Variants in NSMCE2 observed in about 807,000 individuals in gnomAD.
NSMCE2 encodes the protein E3 SUMO-protein ligase NSE2.
A neutral mutation model predicts 23.8 loss-of-function variants in NSMCE2; 24 were observed. That is an observed-to-expected ratio of 1.01 (90% CI 0.73 to 1.42). NSMCE2 has a LOEUF of 1.42. Among genes scored for constraint, NSMCE2 ranks in the 40% most tolerant of loss-of-function variants. NSMCE2 has a pLI of 0.00. For missense variants in NSMCE2, 284 were observed against 296.5 expected, an observed-to-expected ratio of 0.96 and a Z score of 0.31; for synonymous variants, 92 against 94.1, an observed-to-expected ratio of 0.98 and a Z score of 0.13.
intron 5 of NSMCE2, among the ~76,000 whole-genome samples, chr8:125,334,772 CTTTTTTTTTT>C (rs34213706): frequency 3.1e-3 from 172 of 55,884 alleles, no homozygotes; most frequent in African/African-American, 0.012. Flanking sequence ...AGTATCTTTT[CTTTTTTTTTT>C]TTTTTTTTTT....
intron 3 of NSMCE2, among the ~76,000 whole-genome samples, chr8:125,105,509 T>C (rs1818419114): frequency 6.6e-6 from 1 of 152,186 alleles, no homozygotes; most frequent in South Asian, 2.1e-4. Flanking sequence ...AAGAGGTATA[T>C]TTTGTTGTAA....
chr8:125,264,443 G>C (rs1826830424), intron 5 of NSMCE2, among the ~76,000 whole-genome samples: 1 of 152,116 alleles, frequency 6.6e-6, no homozygotes, highest in Non-Finnish European at 1.5e-5. Flanking sequence ...GTCTCTCTCT[G>C]TTGCCCAGGC....
chr8:125,120,841 A>G (rs927353817), intron 3 of NSMCE2, among the ~76,000 whole-genome samples: 13 of 152,228 alleles, frequency 8.5e-5, no homozygotes, highest in African/African-American at 3.1e-4. Flanking sequence ...CAAGAGGCGC[A>G]TTCCTTGCAT....
intron 5 of NSMCE2, among the ~76,000 whole-genome samples, chr8:125,240,611 C>A (rs1825732971): frequency 6.6e-6 from 1 of 152,156 alleles, no homozygotes; most frequent in African/African-American, 2.4e-5. Flanking sequence ...TCCTGCAGCC[C>A]TTTAACTCTT....
chr8:125,240,753 C>T (rs753025647), intron 5 of NSMCE2, among the ~76,000 whole-genome samples: 6 of 151,880 alleles, frequency 4.0e-5, no homozygotes, highest in Non-Finnish European at 7.4e-5. Flanking sequence ...TAGCATATTC[C>T]TGTCTAATCA....
intron 3 of NSMCE2, among the ~76,000 whole-genome samples, chr8:125,128,036 G>A (rs1051281461): frequency 6.6e-6 from 1 of 152,158 alleles, no homozygotes; most frequent in African/African-American, 2.4e-5. Flanking sequence ...AATTGGGGAT[G>A]CTCACCTTTA....
chr8:125,249,445 G>T (rs1481504626), intron 5 of NSMCE2, among the ~76,000 whole-genome samples: 4 of 152,150 alleles, frequency 2.6e-5, no homozygotes, highest in African/African-American at 9.7e-5. Context: ...TGTTCATGGG[G>T]AGTGTTCGGG....
intron 7 of NSMCE2, among the ~76,000 whole-genome samples, chr8:125,363,565 AGGGAGGGGGAG>A: frequency 2.0e-5 from 2 of 101,826 alleles, no homozygotes; most frequent in African/African-American, 7.5e-5. Context: ...AGAGAGAGGG[AGGGAGGGGGAG>A]GAGGGAGGGA....
chr8:125,185,736 CAT>C (rs1201398785), intron 5 of NSMCE2, among the ~76,000 whole-genome samples: 4 of 152,146 alleles, frequency 2.6e-5, no homozygotes, highest in Non-Finnish European at 5.9e-5. Context: ...AAGCCTATTA[CAT>C]GTTAATATAA....
intron 3 of NSMCE2, among the ~76,000 whole-genome samples, chr8:125,116,885 C>CTTTTT (rs35636109): frequency 1.5e-5 from 2 of 129,536 alleles, no homozygotes; most frequent in African/African-American, 2.9e-5. Flanking sequence ...AAGCATATAA[C>CTTTTT]TTTTTTTTTT....
chr8:125,350,379 A>T (rs917341106), intron 5 of NSMCE2, among the ~76,000 whole-genome samples: 20 of 152,222 alleles, frequency 1.3e-4, no homozygotes, highest in Non-Finnish European at 2.5e-4. Flanking sequence ...CAGACAGGTT[A>T]GTGTTAAGGC....
chr8:125,104,538 C>T (rs1317558638), intron 3 of NSMCE2, among the ~76,000 whole-genome samples: 1 of 152,148 alleles, frequency 6.6e-6, no homozygotes, highest in African/African-American at 2.4e-5. Context: ...GGTCCTAGGT[C>T]CTACGTGACT....
chr8:125,366,232 T>A (rs1315222252), intron 7 of NSMCE2, among the ~76,000 whole-genome samples: 1 of 152,186 alleles, frequency 6.6e-6, no homozygotes, highest in Non-Finnish European at 1.5e-5. Context: ...TGGTTGCCTG[T>A]CTTCCTCATT....
chr8:125,202,380 A>G (rs1033622259), intron 5 of NSMCE2, among the ~76,000 whole-genome samples: 3 of 152,332 alleles, frequency 2.0e-5, no homozygotes, highest in African/African-American at 7.2e-5. Flanking sequence ...TTTTAAACTC[A>G]TTTATTTAGT....
intron 4 of NSMCE2, among the ~76,000 whole-genome samples, chr8:125,170,568 C>T (rs1393628152): frequency 2.0e-5 from 3 of 151,378 alleles, no homozygotes; most frequent in Non-Finnish European, 4.4e-5. Flanking sequence ...CCACCATGCC[C>T]GACTAACTTT....
intron 5 of NSMCE2, among the ~76,000 whole-genome samples, chr8:125,282,024 G>C (rs1202777277): frequency 6.6e-6 from 1 of 152,170 alleles, no homozygotes; most frequent in Non-Finnish European, 1.5e-5. Context: ...ATTGAAATTG[G>C]TGAGCTAGAG....
intron 4 of NSMCE2, among the ~76,000 whole-genome samples, chr8:125,166,120 A>G (rs1586549623): frequency 6.6e-6 from 1 of 152,200 alleles, no homozygotes; most frequent in Non-Finnish European, 1.5e-5. Context: ...AAGACAAGGG[A>G]TTTGAAATCA....
At position 125,133,963 on chromosome 8, in the gene NSMCE2, C is replaced by G. The variant is rs538112485; in HGVS notation, c.158-17208C>G. On this transcript the variant is annotated intron_variant, in intron 3 of 7. Transcript: ENST00000287437. ...GATTGCTGGGCTCCAACCCCCAAGG[C>G]TTCAGATTCAGGCCTCTGGGGCAGG... is the stretch of plus-strand genomic sequence containing the variant. Among the ~76,000 whole-genome samples, 12 of 152,260 alleles carry G rather than the reference C, an allele frequency of 7.9e-5. No homozygotes were observed. The South Asian group carries it at 2.5e-3, about 32-fold the overall frequency.
At chr8:125,196,271 T>C (rs888717367) in intron 5 of NSMCE2, among the ~76,000 whole-genome samples, 1 of 151,580 alleles carries the variant, frequency 6.6e-6, no homozygotes, top group African/African-American at 2.4e-5. Flanking sequence ...GTTACATAGG[T>C]ATACATGTGC....
Sources: gnomAD v4.1 joint callset for allele counts (sites outside exome capture counted in the v4.1 genomes callset) on GRCh38, gnomAD v4.1.1 for gene constraint, MANE v1.5 for transcripts, NCBI Gene and HGNC (gene_info 2026-07-23, HGNC 2026-07-21) for gene names.